Variants in IL23R observed in about 807,000 individuals in gnomAD.
IL23R encodes the protein interleukin-23 receptor.
In IL23R, 34 loss-of-function variants were observed where a neutral mutation model predicts 56.9. The ratio of observed to expected loss-of-function variants is 0.60; its 90% confidence interval spans 0.45 to 0.80. The LOEUF (loss-of-function observed/expected upper bound fraction) is 0.80. Among genes scored for constraint, IL23R ranks in the 30% least tolerant of loss-of-function variants. The pLI, the probability that IL23R is intolerant of heterozygous loss-of-function variation, is 0.00. For synonymous variants in IL23R, 230 were observed against 249.2 expected, an observed-to-expected ratio of 0.92 and a Z score of 0.73; for missense variants, 635 against 730.0, an observed-to-expected ratio of 0.87 and a Z score of 1.50.
At position 67,174,681 on chromosome 1, in the gene IL23R, C is replaced by A. The variant is rs551265088; in HGVS notation, c.367+5043C>A. Among the ~76,000 whole-genome samples the A allele has an allele frequency of 3.4e-3, 524 of 152,144 alleles. 2 individuals are homozygous for A. Among genetic ancestry groups the A allele is most frequent in the South Asian group, 1.0e-2 (48 of 4,812 alleles). On this transcript the variant is annotated intron_variant, in intron 3 of 10. Transcript: ENST00000347310. Reference sequence around the variant, plus strand: ...TCAATATTTCTATACTTAAAAAAATCTTAATCTTATTCACTATTGAATGAT... The same window carrying A: ...TCAATATTTCTATACTTAAAAAAATATTAATCTTATTCACTATTGAATGAT...
chr1:67,241,877 T>C lies in IL23R; in HGVS notation c.1148+1596T>C, dbSNP rs532635515. ...AGAATGAGCTACATGAAGAGTCTAC[T>C]CACTTAAGTGATTTTTTTCATTAAT... is the stretch of plus-strand genomic sequence containing the variant. On this transcript the variant is annotated intron_variant, in intron 9 of 10. Coordinates refer to ENST00000347310, the MANE Select transcript of IL23R (RefSeq NM_144701.3). 3.3e-5 allele frequency among the ~76,000 whole-genome samples: 5 copies of C among 152,344 alleles called. No individual in the cohort carries two copies. In the East Asian group the frequency reaches 9.6e-4, roughly 29 times the overall value.
intron 6 of IL23R, among the ~76,000 whole-genome samples, chr1:67,217,984 A>G (rs902122292): frequency 1.3e-5 from 2 of 151,504 alleles, no homozygotes; most frequent in Non-Finnish European, 2.9e-5. Flanking sequence ...GCATAAATGC[A>G]TTTCTAGACA....
chr1:67,161,903 G>C (rs1646824608), upstream of IL23R, among the ~76,000 whole-genome samples: 2 of 151,998 alleles, frequency 1.3e-5, 1 homozygote, highest in South Asian at 4.2e-4. Context: ...TGGGATTACA[G>C]GCGTGAGCCA....
In IL23R at chr1:67,237,146, G is replaced by A. The variant is rs554308020; in HGVS notation, c.1045+344G>A. On this transcript the variant is annotated intron_variant, in intron 8 of 10. Coordinates refer to ENST00000347310, the MANE Select transcript of IL23R (RefSeq NM_144701.3). ...CAACCTCCGCCTCCCAGGTTCAAGCGATTCTGCTGCCTCAGCCTTCTGAGT... is the reference window on the plus strand; with the variant it reads ...CAACCTCCGCCTCCCAGGTTCAAGCAATTCTGCTGCCTCAGCCTTCTGAGT... Among the ~76,000 whole-genome samples the A allele has an allele frequency of 3.3e-5, 5 of 152,242 alleles. 1 individual carries two copies. The South Asian group carries it at 6.2e-4, about 19-fold the overall frequency.
chr1:67,222,647 T>A (rs1049932153), intron 7 of IL23R, among the ~76,000 whole-genome samples: 9 of 152,296 alleles, frequency 5.9e-5, no homozygotes, highest in African/African-American at 1.7e-4. Context: ...ATAAGCTTGT[T>A]TGATTATGAT....
chr1:67,238,154 C>G (rs1651604211), intron 8 of IL23R, among the ~76,000 whole-genome samples: 1 of 151,948 alleles, frequency 6.6e-6, no homozygotes, highest in African/African-American at 2.4e-5. Flanking sequence ...TTGAGACCAG[C>G]CTGCACAACA....
chr1:67,236,026 G>A (rs967218294), intron 7 of IL23R, among the ~76,000 whole-genome samples: 1 of 152,148 alleles, frequency 6.6e-6, no homozygotes, highest in African/African-American at 2.4e-5. Context: ...GGAAGGAGGA[G>A]ACTGGCAAGG....
chr1:67,139,980 C>T (rs954038517), intron 1 of IL23R, among the ~76,000 whole-genome samples: 10 of 152,096 alleles, frequency 6.6e-5, no homozygotes, highest in African/African-American at 1.9e-4. Context: ...GAAACCTAAG[C>T]GAGCAAGCAT....
chr1:67,201,672 T>G (rs890037973), intron 5 of IL23R, among the ~76,000 whole-genome samples: 2 of 152,036 alleles, frequency 1.3e-5, no homozygotes, highest in African/African-American at 4.8e-5. Flanking sequence ...TTATGTAAGG[T>G]TTTTTTGTTT....
chr1:67,164,746 C>T (rs1164014975), upstream of IL23R, among the ~76,000 whole-genome samples: 1 of 152,126 alleles, frequency 6.6e-6, no homozygotes, highest in African/African-American at 2.4e-5. Flanking sequence ...CAATTCTCCA[C>T]ACAGTGTTGG....
chr1:67,229,696 G>C (rs77319898), intron 7 of IL23R, among the ~76,000 whole-genome samples: 7,401 of 152,172 alleles, frequency 0.049, 216 homozygotes, highest in Middle Eastern at 0.088. Flanking sequence ...TTACCACTTT[G>C]GGCATTCTAA....
intron 1 of IL23R, among the ~76,000 whole-genome samples, chr1:67,140,884 A>G (rs1390003244): frequency 1.3e-5 from 2 of 152,166 alleles, no homozygotes; most frequent in African/African-American, 4.8e-5. Context: ...TTAAAAAATG[A>G]ATTTAGAGAT....
At chr1:67,161,565 A>G (rs968059724), upstream of IL23R, among the ~76,000 whole-genome samples, 2 of 151,768 alleles carry the variant, frequency 1.3e-5, no homozygotes, top group Non-Finnish European at 2.9e-5. Context: ...TTAAAAGAAG[A>G]TTTTCAAACT....
At chr1:67,170,364 A>G (rs1457604600) in intron 3 of IL23R, among the ~76,000 whole-genome samples, 1 of 152,040 alleles carries the variant, frequency 6.6e-6, no homozygotes, top group Non-Finnish European at 1.5e-5. Flanking sequence ...TCCTAATCTC[A>G]CTATTCCAAT....
chr1:67,174,606 A>G (rs1570781733), intron 3 of IL23R, among the ~76,000 whole-genome samples: 1 of 152,042 alleles, frequency 6.6e-6, no homozygotes, highest in Admixed American at 6.6e-5. Flanking sequence ...TTTCACACGT[A>G]GGGATGAACT....
chr1:67,186,034 A>C (rs945093075), intron 4 of IL23R, among the ~76,000 whole-genome samples: 3 of 152,218 alleles, frequency 2.0e-5, no homozygotes, highest in African/African-American at 7.2e-5. Flanking sequence ...GGATTCTAAC[A>C]GGGATTTCTC....
chr1:67,258,753 T>C lies in IL23R; in HGVS notation c.1515T>C (p.Thr505=), dbSNP rs1292182347. The C allele has an allele frequency of 6.2e-7, 1 of 1,612,652 alleles. No homozygotes were observed. The highest frequency in any genetic ancestry group is 8.5e-7 in the Non-Finnish European group (1 of 1,179,058). Residue 505 remains threonine (T), a synonymous_variant, in exon 11 of 11, where the codon ACT becomes ACC. Transcript: ENST00000347310. ...GSHLSNNNEI[T]SLTLKPPVDS... ...ATCTCAGCAATAATAATGAAATTAC[T>C]TCCTTAACACTTAAACCACCAGTTG...
chr1:67,235,198 C>T (rs1184255238), intron 7 of IL23R, among the ~76,000 whole-genome samples: 1 of 152,076 alleles, frequency 6.6e-6, no homozygotes, highest in Non-Finnish European at 1.5e-5. Context: ...CATTGAGAAG[C>T]CAAAAACAAT....
At chr1:67,161,445 G>T (rs1646819463) in intron 1 of IL23R, among the ~76,000 whole-genome samples, 1 of 151,916 alleles carries the variant, frequency 6.6e-6, no homozygotes, top group African/African-American at 2.4e-5. Flanking sequence ...ATAATCCAAA[G>T]AAAACTACTA....
Sources: gnomAD v4.1 joint callset for allele counts (sites outside exome capture counted in the v4.1 genomes callset) on GRCh38, gnomAD v4.1.1 for gene constraint, MANE v1.5 for transcripts, NCBI Gene and HGNC (gene_info 2026-07-23, HGNC 2026-07-21) for gene names.